The following ANKRD55 variants were observed in gnomAD, a reference collection of about 807,000 sequenced individuals.
ANKRD55 encodes ankyrin repeat domain-containing protein 55.
ANKRD55 carries 41 observed loss-of-function variants against 60.6 expected under a neutral mutation model. The observed-to-expected ratio is 0.68, with a 90% CI of 0.53 to 0.88. The LOEUF is 0.88. Among genes scored for constraint, ANKRD55 ranks in the 40% least tolerant of loss-of-function variants. ANKRD55 has a pLI of 0.00. For synonymous variants in ANKRD55, 264 were observed against 290.3 expected (o/e 0.91, Z 0.92); for missense variants, 732 against 767.6 (o/e 0.95, Z 0.55).
chr5:56,207,444 A>T (rs1759539778), intron 2 of ANKRD55, among the ~76,000 whole-genome samples: 1 of 152,222 alleles, frequency 6.6e-6, no homozygotes, highest in African/African-American at 2.4e-5. Flanking sequence ...ACTTAATGCC[A>T]GGGATAGTTC....
chr5:56,166,774 A>C (rs1305176350), intron 5 of ANKRD55, among the ~76,000 whole-genome samples: 1 of 150,178 alleles, frequency 6.7e-6, no homozygotes, highest in African/African-American at 2.5e-5. Flanking sequence ...TGTATAGTAA[A>C]ATTAAAAAAA....
intron 2 of ANKRD55, among the ~76,000 whole-genome samples, chr5:56,189,628 C>T (rs1759047692): frequency 6.6e-6 from 1 of 152,204 alleles, no homozygotes; most frequent in South Asian, 2.1e-4. Flanking sequence ...CCTCAAGGTT[C>T]ATCCATGTTG....
chr5:56,187,985 T>C (rs1759012412), intron 2 of ANKRD55, among the ~76,000 whole-genome samples: 1 of 152,190 alleles, frequency 6.6e-6, no homozygotes, highest in Non-Finnish European at 1.5e-5. Flanking sequence ...ATGTAGTTTT[T>C]GCACTCAACT....
At chr5:56,102,872 GA>G (rs200665734) in intron 10 of ANKRD55, among the ~76,000 whole-genome samples, 1 of 151,364 alleles carries the variant, frequency 6.6e-6, no homozygotes, top group African/African-American at 2.4e-5. Context: ...AGTTAAAGTT[GA>G]AAAAAAAGGA....
intron 7 of ANKRD55, among the ~76,000 whole-genome samples, chr5:56,128,444 A>T (rs1757331971): frequency 6.6e-6 from 1 of 152,224 alleles, no homozygotes; most frequent in Admixed American, 6.5e-5. Flanking sequence ...CCCAGGCAGC[A>T]GGTCTCTTGG....
At position 56,134,067 on chromosome 5, in the gene ANKRD55, A is replaced by G. The variant is rs1757492301; in HGVS notation, c.613-6961T>C. ...GATAAGCCTCTAGCCAGGCTAGAAA[A>G]AAACAGAGGGAAACAAATTACTTAA... On this transcript the variant is annotated intron_variant, in intron 7 of 11. Transcript: ENST00000341048. 1.7e-5 allele frequency among the ~76,000 whole-genome samples: 2 copies of G among 114,622 alleles called. 1 individual carries two copies. Among genetic ancestry groups the G allele is most frequent in the Non-Finnish European group, 4.1e-5 (2 of 48,396 alleles). The allele number at this position is 114,622 out of a possible 152,430, so 75.2% of individuals were successfully genotyped here.
intron 10 of ANKRD55, among the ~76,000 whole-genome samples, chr5:56,106,810 A>G (rs1392578936): frequency 6.6e-6 from 1 of 151,934 alleles, no homozygotes; most frequent in Non-Finnish European, 1.5e-5. Flanking sequence ...GTTCTAGACT[A>G]GTCTGGGTAA....
At chr5:56,175,137 G>A (rs1758711678) in intron 4 of ANKRD55, among the ~76,000 whole-genome samples, 2 of 152,180 alleles carry the variant, frequency 1.3e-5, no homozygotes, top group African/African-American at 4.8e-5. Context: ...AATAGAAAAT[G>A]AAAAAGTAGG....
At chr5:56,198,281 A>G (rs1385141443) in intron 2 of ANKRD55, among the ~76,000 whole-genome samples, 2 of 151,450 alleles carry the variant, frequency 1.3e-5, no homozygotes, top group East Asian at 3.9e-4. Flanking sequence ...TTCTGCATCT[A>G]CAATTATTAT....
chr5:56,199,852 C>T (rs1759323072), intron 2 of ANKRD55, among the ~76,000 whole-genome samples: 1 of 148,852 alleles, frequency 6.7e-6, no homozygotes, highest in South Asian at 2.1e-4. Flanking sequence ...GATCGCACCA[C>T]TACACTCCAG....
intron 2 of ANKRD55, among the ~76,000 whole-genome samples, chr5:56,191,620 C>T (rs1325786444): frequency 6.6e-6 from 1 of 152,122 alleles, no homozygotes; most frequent in African/African-American, 2.4e-5. Flanking sequence ...GACCGAGTCA[C>T]CTCAAGAAGT....
chr5:56,216,240 T>C (rs947941248), intron 2 of ANKRD55, among the ~76,000 whole-genome samples: 2 of 152,118 alleles, frequency 1.3e-5, no homozygotes, highest in African/African-American at 4.8e-5. Context: ...TTGGGTCCCA[T>C]GGACCGCATC....
chr5:56,135,288 C>CTTGCTTGCT lies in ANKRD55; in HGVS notation c.613-8183_613-8182insAGCAAGCAA, dbSNP rs1561263938. On this transcript the variant is annotated intron_variant, in intron 7 of 11. Transcript: ENST00000341048. Reference sequence around the variant, plus strand: ...TTTCCCTCCCTCCCTCCCTGCCTGCCTGCTTGCTTTCTTTCTTTCTTTCTT... The same window carrying CTTGCTTGCT: ...TTTCCCTCCCTCCCTCCCTGCCTGCCTTGCTTGCTTGCTTGCTTTCTTTCTTTCTTTCTT... Among the ~76,000 whole-genome samples, 19 of 92,974 alleles carry CTTGCTTGCT rather than the reference C, an allele frequency of 2.0e-4. 2 individuals are homozygous for CTTGCTTGCT. Among genetic ancestry groups the CTTGCTTGCT allele is most frequent in the African/African-American group, 5.8e-4 (15 of 25,918 alleles). The allele number at this position is 92,974 out of a possible 152,430, so 61.0% of individuals were successfully genotyped here. A position where few individuals can be genotyped will look rare whatever the true frequency, so the allele number is the denominator to read the frequency against.
chr5:56,165,161 A>T (rs1758417754), intron 5 of ANKRD55, among the ~76,000 whole-genome samples: 1 of 152,234 alleles, frequency 6.6e-6, no homozygotes. Context: ...CCTGAGCACA[A>T]GGGCACTATG....
intron 8 of ANKRD55, among the ~76,000 whole-genome samples, chr5:56,120,666 A>G (rs60227963): frequency 1.3e-5 from 2 of 152,060 alleles, no homozygotes; most frequent in African/African-American, 2.4e-5. Flanking sequence ...TTGGGAGGCC[A>G]AGGCAGGCGG....
chr5:56,166,151 T>TTCC (rs1758465404), intron 5 of ANKRD55, among the ~76,000 whole-genome samples: 1 of 98,634 alleles, frequency 1.0e-5, no homozygotes, highest in African/African-American at 5.9e-5. Context: ...TCTTTCTTTC[T>TTCC]TTCTTCTTTC....
At chr5:56,159,271 G>T (rs1758266380) in intron 6 of ANKRD55, among the ~76,000 whole-genome samples, 1 of 152,216 alleles carries the variant, frequency 6.6e-6, no homozygotes, top group Non-Finnish European at 1.5e-5. Context: ...AGACCAGCTT[G>T]ACCAACACGG....
chr5:56,213,154 C>T (rs1320784010), intron 2 of ANKRD55, among the ~76,000 whole-genome samples: 1 of 151,970 alleles, frequency 6.6e-6, no homozygotes, highest in Admixed American at 6.6e-5. Context: ...TTAATTATTA[C>T]CAGATTAAAA....
intron 6 of ANKRD55, among the ~76,000 whole-genome samples, chr5:56,145,239 C>T (rs953189941): frequency 2.6e-5 from 4 of 152,204 alleles, no homozygotes; most frequent in Non-Finnish European, 4.4e-5. Context: ...TCCTCTTCCC[C>T]TAGGGCACAC....
Sources: gnomAD v4.1 joint callset for allele counts (sites outside exome capture counted in the v4.1 genomes callset) on GRCh38, gnomAD v4.1.1 for gene constraint, MANE v1.5 for transcripts, NCBI Gene and HGNC (gene_info 2026-07-23, HGNC 2026-07-21) for gene names.